Variants in SPPL3 observed in about 807,000 individuals in gnomAD.
The protein encoded by SPPL3 is signal peptide peptidase like 3, also known as signal peptide peptidase-like 3.
In SPPL3, 5 loss-of-function variants were observed where a neutral mutation model predicts 42.4. The observed-to-expected ratio is 0.12, with a 90% CI of 0.06 to 0.25. The LOEUF (loss-of-function observed/expected upper bound fraction) is 0.25. Among genes scored for constraint, SPPL3 ranks in the 10% least tolerant of loss-of-function variants. SPPL3 has a pLI of 1.00. For synonymous variants in SPPL3, 195 were observed against 181.8 expected (o/e 1.07, Z -0.58); for missense variants, 235 against 489.0 (o/e 0.48, Z 4.90).
intron 1 of SPPL3, among the ~76,000 whole-genome samples, chr12:120,873,633 G>C (rs1872994262): frequency 6.6e-6 from 1 of 152,132 alleles, no homozygotes. Flanking sequence ...CCAGCACTTT[G>C]GGAGGCTGAG....
In SPPL3 at chr12:120,808,648, A is replaced by G. The variant is rs958069414; in HGVS notation, c.101+2161T>C. On this transcript the variant is annotated intron_variant, in intron 2 of 10. Transcript: ENST00000353487. ...CATCACTGTAACAGTCCACTTGTCC[A>G]ACAAGAGTGGAATAAGATGAGTAAC... Among the ~76,000 whole-genome samples, 4 of 152,248 alleles carry G rather than the reference A, an allele frequency of 2.6e-5. No individual in the cohort carries two copies. In the East Asian group the frequency reaches 7.7e-4, roughly 29 times the overall value.
intron 8 of SPPL3, among the ~76,000 whole-genome samples, chr12:120,768,019 T>G (rs1868974003): frequency 6.6e-6 from 1 of 152,250 alleles, no homozygotes; most frequent in East Asian, 1.9e-4. Context: ...GAACTTATTT[T>G]TATAAATATC....
At chr12:120,894,774 C>T (rs1168949) in intron 1 of SPPL3, among the ~76,000 whole-genome samples, 2 of 151,962 alleles carry the variant, frequency 1.3e-5, no homozygotes, top group African/African-American at 4.8e-5. Flanking sequence ...GGAGAAACCC[C>T]GTCTCTACTA....
intron 1 of SPPL3, 101 bp from the exon 2 acceptor site, chr12:120,810,987 A>G: frequency 2.9e-6 from 2 of 679,936 alleles, no homozygotes; most frequent in Non-Finnish European, 2.4e-6. Flanking sequence ...CTTTGTTTTT[A>G]TCTTTAAGAA....
intron 1 of SPPL3, among the ~76,000 whole-genome samples, chr12:120,860,856 C>G (rs1230475288): frequency 6.6e-6 from 1 of 152,092 alleles, no homozygotes. Context: ...CTTTGGGGGA[C>G]TGGTTCCAGG....
intron 1 of SPPL3, among the ~76,000 whole-genome samples, chr12:120,811,905 A>G (rs1424947240): frequency 1.3e-5 from 2 of 152,184 alleles, no homozygotes; most frequent in Admixed American, 1.3e-4. Flanking sequence ...AAAAGAGAGA[A>G]AGAGAAGTAT....
In SPPL3 at chr12:120,900,923, C is replaced by CAA. The variant is rs11432981; in HGVS notation, c.23+2920_23+2921dup. ...GGCGAAAGAGTGAGACCCTGTCTCA[C>CAA]AAAAAAAAAAAAAAAAAAAGTAATC... On this transcript the variant is annotated intron_variant, in intron 1 of 10. Transcript: ENST00000353487. Among the ~76,000 whole-genome samples the CAA allele has an allele frequency of 3.1e-3, 310 of 101,412 alleles. 2 individuals carry two copies. Among genetic ancestry groups the CAA allele is most frequent in the Middle Eastern group, 4.9e-3 (1 of 206 alleles). The allele number at this position is 101,412 out of a possible 152,430, so 66.5% of individuals were successfully genotyped here. A position where few individuals can be genotyped will look rare whatever the true frequency, so the allele number is the denominator to read the frequency against.
chr12:120,904,102 A>G lies in SPPL3; in HGVS notation c.-235T>C. The G allele has an allele frequency of 3.2e-6, 1 of 309,804 alleles. No individual in the cohort carries two copies. 19.2% of individuals were successfully genotyped at this position (309,804 alleles called of 1,614,324 possible). ...GCGGGCTCCGCTCTCGGCCTCCCTC[A>G]CCCGCGGCGGCGGCGGCGGCTCCGC... On this transcript the variant is annotated 5_prime_UTR_variant, in exon 1 of 11. It removes the in-frame stop codon of an upstream open reading frame in the 5' UTR. Transcript: ENST00000353487.
intron 1 of SPPL3, among the ~76,000 whole-genome samples, chr12:120,867,587 C>G (rs1872792333): frequency 6.6e-6 from 1 of 151,704 alleles, no homozygotes; most frequent in African/African-American, 2.4e-5. Flanking sequence ...ATCGCTTGAA[C>G]CCGGGAGGCG....
At chr12:120,776,272 T>C (rs1869316639) in intron 6 of SPPL3, among the ~76,000 whole-genome samples, 1 of 152,194 alleles carries the variant, frequency 6.6e-6, no homozygotes, top group African/African-American at 2.4e-5. Flanking sequence ...CAGCAAAACT[T>C]TTCAACTATG....
intron 1 of SPPL3, among the ~76,000 whole-genome samples, chr12:120,870,037 A>T (rs992752250): frequency 2.0e-5 from 3 of 152,238 alleles, no homozygotes; most frequent in Non-Finnish European, 4.4e-5. Context: ...GTAACCAAAA[A>T]TGTTTAGCTT....
chr12:120,866,517 A>G (rs561772889), intron 1 of SPPL3, among the ~76,000 whole-genome samples: 1 of 152,350 alleles, frequency 6.6e-6, no homozygotes, highest in South Asian at 2.1e-4. Context: ...GGCATAATTT[A>G]CCTTGAAAAG....
chr12:120,827,355 T>TA (rs1292632080), intron 1 of SPPL3, among the ~76,000 whole-genome samples: 22 of 138,696 alleles, frequency 1.6e-4, no homozygotes, highest in Middle Eastern at 3.6e-3. Context: ...ATAATAATAA[T>TA]ATAATAATAT....
At chr12:120,809,845 AAT>A (rs1870623898) in intron 2 of SPPL3, among the ~76,000 whole-genome samples, 1 of 152,246 alleles carries the variant, frequency 6.6e-6, no homozygotes, top group East Asian at 1.9e-4. Context: ...CCAAAATATT[AAT>A]AGTCAACCAT....
At chr12:120,802,193 G>C (rs182250133) in intron 2 of SPPL3, among the ~76,000 whole-genome samples, 33 of 151,948 alleles carry the variant, frequency 2.2e-4, no homozygotes, top group Non-Finnish European at 3.8e-4. Context: ...GCCTGCCTCA[G>C]GACAAGGGGA....
At chr12:120,873,535 A>G (rs1872991133) in intron 1 of SPPL3, among the ~76,000 whole-genome samples, 1 of 152,082 alleles carries the variant, frequency 6.6e-6, no homozygotes, top group East Asian at 1.9e-4. Context: ...AAAAAGAAAA[A>G]CTTCAAGTGT....
intron 3 of SPPL3, among the ~76,000 whole-genome samples, chr12:120,785,432 A>C (rs750538929): frequency 5.9e-5 from 9 of 152,130 alleles, no homozygotes; most frequent in Non-Finnish European, 8.8e-5. Flanking sequence ...AAATTAAATG[A>C]AATCACAGGA....
At chr12:120,812,851 A>G (rs987630012) in intron 1 of SPPL3, among the ~76,000 whole-genome samples, 5 of 152,228 alleles carry the variant, frequency 3.3e-5, no homozygotes, top group African/African-American at 1.2e-4. Flanking sequence ...AACAGTTGTT[A>G]AAGGATTAAA....
chr12:120,863,287 G>A (rs1872666640), intron 1 of SPPL3, among the ~76,000 whole-genome samples: 2 of 152,010 alleles, frequency 1.3e-5, no homozygotes, highest in South Asian at 4.2e-4. Flanking sequence ...GGCAGAGGTT[G>A]CAGTGAGCTG....
Sources: gnomAD v4.1 joint callset for allele counts (sites outside exome capture counted in the v4.1 genomes callset) on GRCh38, gnomAD v4.1.1 for gene constraint, MANE v1.5 for transcripts, NCBI Gene and HGNC (gene_info 2026-07-23, HGNC 2026-07-21) for gene names.